ZNF615: variants seen among roughly 807,000 people sequenced by gnomAD.
ZNF615 encodes the protein zinc finger protein 615.
Under a neutral mutation model 15.3 loss-of-function variants are expected in ZNF615, and 15 were observed. The observed-to-expected ratio is 0.98, with a 90% CI of 0.66 to 1.51. The LOEUF (loss-of-function observed/expected upper bound fraction) is 1.51. Ranked by LOEUF, ZNF615 falls within the 40% of genes most tolerant of loss-of-function variation. ZNF615 has a pLI of 0.00. For synonymous variants in ZNF615, 268 were observed against 294.6 expected, an observed-to-expected ratio of 0.91 and a Z score of 0.92; for missense variants, 848 against 895.9, an observed-to-expected ratio of 0.95 and a Z score of 0.68.
At chr19:51,995,085 T>G (rs2086379995) in intron 6 of ZNF615, among the ~76,000 whole-genome samples, 1 of 151,886 alleles carries the variant, frequency 6.6e-6, no homozygotes, top group African/African-American at 2.4e-5. Flanking sequence ...TAGTGGAAAA[T>G]TACAGCTAAA....
intron 2 of ZNF615, chr19:52,004,991 T>G (rs1192664597): frequency 6.6e-6 from 1 of 152,030 alleles, no homozygotes; most frequent in Non-Finnish European, 1.5e-5. Flanking sequence ...CCGGGTGCGG[T>G]GGCTCACGCC....
rs1483809076 is a variant in ZNF615 at position 51,992,480 on chromosome 19, C to T, written c.*400G>A. On this transcript the variant is annotated 3_prime_UTR_variant, in exon 7 of 7. Transcript: ENST00000598071. The stretch of plus-strand genomic sequence containing the variant: ...GCACACGATGAGGCAAAACATTTTA[C>T]TGAAAACCCTGCCACAGGGGTTTGC... 7.0e-6 allele frequency: 1 copy of T among 142,214 alleles called. No individual in the cohort carries two copies. Among genetic ancestry groups the T allele is most frequent in the Non-Finnish European group, 1.4e-5 (1 of 70,904 alleles). The allele number at this position is 142,214 out of a possible 1,614,324, so 8.8% of individuals were successfully genotyped here. A position where few individuals can be genotyped will look rare whatever the true frequency, so the allele number is the denominator to read the frequency against.
At chr19:52,002,580 GTA>G (rs2086631920) in intron 3 of ZNF615, 1 of 450,154 alleles carries the variant, frequency 2.2e-6, no homozygotes, top group Non-Finnish European at 4.3e-6. Context: ...CTAGTCATAA[GTA>G]TATGCCAGTT....
rs1413237461 is a variant in ZNF615, at chr19:51,992,710, A to T, written c.*170T>A. The T allele has an allele frequency of 1.1e-5, 9 of 842,092 alleles. No individual in the cohort carries two copies. In the Admixed American group the frequency reaches 2.3e-4, roughly 21 times the overall value. The allele number at this position is 842,092 out of a possible 1,614,324, so 52.2% of individuals were successfully genotyped here. On this transcript the variant is annotated 3_prime_UTR_variant, in exon 7 of 7. Coordinates refer to ENST00000598071, the MANE Select transcript of ZNF615 (RefSeq NM_001199324.2). ...ATTTTTCTCAGTATACAATTTTTAG[A>T]CATAATGTCCTAAAATATTTTCTCA...
Position 52,000,179 on chromosome 19 carries a change from A to G in ZNF615, c.271+167T>C, listed in dbSNP as rs1300253270. ...TAGGCAAGAGCTAAACATTGGGAAC[A>G]CAGGGACATCAAGACAGGAACAATA... On this transcript the variant is annotated intron_variant, in intron 6 of 6. Transcript: ENST00000598071. 8 of 404,656 alleles carry G rather than the reference A, an allele frequency of 2.0e-5. No homozygotes were observed. The South Asian group carries it at 6.3e-4, about 32-fold the overall frequency. The allele number at this position is 404,656 out of a possible 1,614,324, so 25.1% of individuals were successfully genotyped here.
At chr19:52,000,986 G>C (rs2086574476) in intron 5 of ZNF615, among the ~76,000 whole-genome samples, 1 of 151,826 alleles carries the variant, frequency 6.6e-6, no homozygotes. Context: ...GAGAACTTAA[G>C]AAACACATAA....
chr19:52,005,362 T>C (rs868801542), intron 2 of ZNF615, among the ~76,000 whole-genome samples: 1 of 152,216 alleles, frequency 6.6e-6, no homozygotes, highest in South Asian at 2.1e-4. Context: ...CTAATTACCA[T>C]AACATTAACA....
intron 3 of ZNF615, among the ~76,000 whole-genome samples, chr19:52,003,023 C>T (rs189878462): frequency 7.8e-4 from 119 of 152,166 alleles, no homozygotes; most frequent in Middle Eastern, 3.4e-3. Flanking sequence ...GATGAGGTTT[C>T]ACCACGTTGG....
At chr19:51,997,940 G>C (rs528043638) in intron 6 of ZNF615, among the ~76,000 whole-genome samples, 1 of 150,132 alleles carries the variant, frequency 6.7e-6, no homozygotes, top group South Asian at 2.2e-4. Flanking sequence ...CTTGCACCCA[G>C]TTTCTCCTGG....
In ZNF615 at chr19:52,007,341, A is replaced by G; in HGVS notation, c.-227-11T>C. The G allele has an allele frequency of 7.8e-7, 1 of 1,287,640 alleles. No individual in the cohort carries two copies. Among genetic ancestry groups the G allele is most frequent in the Non-Finnish European group, 1.0e-6 (1 of 987,368 alleles). The allele number at this position is 1,287,640 out of a possible 1,614,324, so 79.8% of individuals were successfully genotyped here. On this transcript the variant is annotated splice_polypyrimidine_tract_variant and intron_variant, in intron 1 of 6. Coordinates refer to ENST00000598071, the MANE Select transcript of ZNF615 (RefSeq NM_001199324.2). ...TGTGTCAGAAAGAACCTGAAAAGAAATATCCAAGAGGATACGCTGGAAACT... is the reference window on the plus strand; with the variant it reads ...TGTGTCAGAAAGAACCTGAAAAGAAGTATCCAAGAGGATACGCTGGAAACT...
chr19:51,994,512 C>T lies in ZNF615; in HGVS notation c.597G>A (p.Lys199=), dbSNP rs1222177162. The change falls in exon 7 of 7, where the codon AAG becomes AAA. Residue 199 remains lysine (K), a synonymous_variant. Transcript: ENST00000598071. ...KFPAIAKPIN[K]SQFIKQQRTH... ...TTCTCTGTTGCTTAATGAACTGGGA[C>T]TTATTAATAGGTTTTGCAATTGCAG... 6.2e-7 allele frequency: 1 copy of T among 1,613,970 alleles called. No individual in the cohort carries two copies. Among genetic ancestry groups the T allele is most frequent in the African/African-American group, 1.3e-5 (1 of 74,920 alleles).
intron 5 of ZNF615, among the ~76,000 whole-genome samples, 187 bp downstream of exon 5, chr19:52,001,616 CAAAAAAAAAA>C (rs200193378): frequency 9.5e-6 from 1 of 105,374 alleles, no homozygotes. Flanking sequence ...GACTCCATCT[CAAAAAAAAAA>C]AAAAAAAAAG....
intron 1 of ZNF615, 161 bp downstream of exon 1, chr19:52,007,980 A>G: frequency 3.1e-6 from 2 of 643,092 alleles, no homozygotes; most frequent in Non-Finnish European, 5.4e-6. Context: ...CCCCTGCGAT[A>G]GGAATCGGAC....
At chr19:52,003,494 G>A (rs768118158) in intron 3 of ZNF615, among the ~76,000 whole-genome samples, 1 of 152,074 alleles carries the variant, frequency 6.6e-6, no homozygotes, top group Admixed American at 6.5e-5. Flanking sequence ...TGTAACCTAC[G>A]GGGTCCCACA....
intron 1 of ZNF615, 137 bp downstream of exon 1, chr19:52,008,004 C>T: frequency 1.3e-6 from 1 of 771,448 alleles, no homozygotes; most frequent in East Asian, 2.7e-5. Flanking sequence ...CGCTAAGCTC[C>T]TGAAAGAATT....
chr19:51,994,609 G>T lies in ZNF615; in HGVS notation c.500C>A (p.Ala167Asp), dbSNP rs746581810. 12 of 1,613,582 alleles carry T rather than the reference G, an allele frequency of 7.4e-6. No homozygotes were observed. The South Asian group carries it at 9.9e-5, about 13-fold the overall frequency. The change falls in exon 7 of 7, where the codon GCT becomes GAT. Residue 167 changes from alanine to aspartate, a missense_variant. Coordinates refer to ENST00000598071, the MANE Select transcript of ZNF615 (RefSeq NM_001199324.2). Reference protein sequence around the residue: ...QKRSSGLKNSAEFNRDGKSLF... With the variant: ...QKRSSGLKNSDEFNRDGKSLF... ...GGATTTCCCATCTCTATTAAACTCA[G>T]CAGAGTTCTTTAGGCCAGAGCTCCT...
intron 6 of ZNF615, among the ~76,000 whole-genome samples, chr19:51,997,117 G>T (rs918131950): frequency 6.6e-6 from 1 of 152,058 alleles, no homozygotes; most frequent in African/African-American, 2.4e-5. Flanking sequence ...CCAGAAATTT[G>T]AGACCAGCCT....
chr19:52,002,415 A>G, intron 3 of ZNF615, 134 bp from the exon 4 acceptor site: 1 of 1,284,568 alleles, frequency 7.8e-7, no homozygotes, highest in Non-Finnish European at 1.1e-6. Context: ...TTTTGACAGA[A>G]TAAGAATTCC....
At position 51,993,007 on chromosome 19, in the gene ZNF615, G is replaced by C; in HGVS notation, c.2102C>G (p.Thr701Ser). 6.2e-7 allele frequency: 1 copy of C among 1,614,210 alleles called. No individual in the cohort carries two copies. The highest frequency in any genetic ancestry group is 8.5e-7 in the Non-Finnish European group (1 of 1,180,038). ...YKCSDCGKAF[T>S]TKSGLNVHQR... Reference sequence around the variant, plus strand: ...ATGAACATTGAGCCCTGATTTTGTAGTGAAGGCTTTCCCGCAGTCACTGCA... The same window carrying C: ...ATGAACATTGAGCCCTGATTTTGTACTGAAGGCTTTCCCGCAGTCACTGCA... Residue 701 changes from threonine (T) to serine (S), a missense_variant, in exon 7 of 7, where the codon ACT (threonine) becomes AGT (serine). By Grantham distance (58) the Thr-to-Ser change is moderately conservative. Coordinates refer to ENST00000598071, the MANE Select transcript of ZNF615 (RefSeq NM_001199324.2).
Sources: gnomAD v4.1 joint callset for allele counts (sites outside exome capture counted in the v4.1 genomes callset) on GRCh38, gnomAD v4.1.1 for gene constraint, MANE v1.5 for transcripts, NCBI Gene and HGNC (gene_info 2026-07-23, HGNC 2026-07-21) for gene names.